Variants in ZSWIM3 observed in about 807,000 individuals in gnomAD.
ZSWIM3 encodes the protein zinc finger SWIM domain-containing protein 3.
ZSWIM3 carries 27 observed loss-of-function variants against 47.5 expected under a neutral mutation model. The ratio of observed to expected loss-of-function variants is 0.57; its 90% confidence interval spans 0.42 to 0.78. The LOEUF is 0.78. ZSWIM3 is among the 30% of genes least tolerant of loss of function. The probability of loss-of-function intolerance (pLI) is 0.00; values close to 1 mark genes in which losing one functional copy is unlikely to be tolerated. For missense variants in ZSWIM3, 689 were observed against 861.3 expected, an observed-to-expected ratio of 0.80 and a Z score of 2.50; for synonymous variants, 333 against 333.9, an observed-to-expected ratio of 1.00 and a Z score of 0.03.
chr20:45,869,497 C>T (rs1342202775), intron 1 of ZSWIM3, among the ~76,000 whole-genome samples: 1 of 150,894 alleles, frequency 6.6e-6, no homozygotes, highest in Admixed American at 6.6e-5. Context: ...CCAGACTGGG[C>T]AATAAGAGCA....
chr20:45,869,576 A>G (rs1310860510), intron 1 of ZSWIM3, among the ~76,000 whole-genome samples: 2 of 151,398 alleles, frequency 1.3e-5, no homozygotes, highest in African/African-American at 4.9e-5. Flanking sequence ...TTAGCTGAAA[A>G]CCCTGACTCA....
chr20:45,878,266 A>T lies in ZSWIM3; in HGVS notation c.1708A>T (p.Thr570Ser). Residue 570 changes from threonine (T) to serine (S), a missense_variant, in exon 2 of 2, where the codon ACC (threonine) becomes TCC (serine). Coordinates refer to ENST00000255152, the MANE Select transcript of ZSWIM3 (RefSeq NM_080752.4). Reference sequence around the variant, plus strand: ...CCGACACATTTTGGCTCTGCTGCACACCAGCCAGCAGCCGGTTGGTGAAGC... The same window carrying T: ...CCGACACATTTTGGCTCTGCTGCACTCCAGCCAGCAGCCGGTTGGTGAAGC... Reference protein sequence around the residue: ...PCRHILALLHTSQQPVGEAMV... With the variant: ...PCRHILALLHSSQQPVGEAMV... 6.2e-7 allele frequency: 1 copy of T among 1,614,156 alleles called. No individual in the cohort carries two copies. The highest frequency in any genetic ancestry group is 8.5e-7 in the Non-Finnish European group (1 of 1,180,026).
rs536649474 is a variant in ZSWIM3, at chr20:45,877,493, G to A, written c.935G>A (p.Arg312Gln). 35 of 1,614,046 alleles carry A rather than the reference G, an allele frequency of 2.2e-5. No individual in the cohort carries two copies. The highest frequency in any genetic ancestry group is 2.5e-5 in the Non-Finnish European group (30 of 1,180,016). ...RILLSIYHTT[R>Q]LLEKKLHRSS... ...CTCCTTTCCATCTACCACACAACCCGACTCTTGGAGAAGAAGTTGCATCGT... is the reference window on the plus strand; with the variant it reads ...CTCCTTTCCATCTACCACACAACCCAACTCTTGGAGAAGAAGTTGCATCGT... The change falls in exon 2 of 2, where the codon CGA becomes CAA. Residue 312 changes from arginine (R) to glutamine (Q), a missense_variant. Transcript: ENST00000255152.
At chr20:45,864,818 G>A (rs781197026) in intron 1 of ZSWIM3, among the ~76,000 whole-genome samples, 21 of 152,166 alleles carry the variant, frequency 1.4e-4, no homozygotes, top group Non-Finnish European at 4.4e-5. Context: ...CTGAGATCAC[G>A]CCACTGCACT....
intron 1 of ZSWIM3, among the ~76,000 whole-genome samples, chr20:45,859,804 A>C (rs1281867075): frequency 2.0e-5 from 3 of 148,562 alleles, no homozygotes; most frequent in African/African-American, 4.9e-5. Context: ...AAAAAAAAAA[A>C]AAAAAAAAAA....
At chr20:45,870,024 A>ACTG (rs1568747255) in intron 1 of ZSWIM3, among the ~76,000 whole-genome samples, 290 of 145,644 alleles carry the variant, frequency 2.0e-3, no homozygotes, top group African/African-American at 7.3e-3. Context: ...AGACTGGGCA[A>ACTG]CAGGGCAAAA....
intron 1 of ZSWIM3, among the ~76,000 whole-genome samples, chr20:45,858,255 A>C (rs1985595937): frequency 6.6e-6 from 1 of 152,216 alleles, no homozygotes; most frequent in South Asian, 2.1e-4. Flanking sequence ...AGCTGCAGCA[A>C]CCCAAATACA....
chr20:45,865,900 G>C (rs1985827880), intron 1 of ZSWIM3, among the ~76,000 whole-genome samples: 1 of 151,402 alleles, frequency 6.6e-6, no homozygotes, highest in South Asian at 2.1e-4. Flanking sequence ...GGGTGAGGCA[G>C]GAGAATTGCT....
intron 1 of ZSWIM3, among the ~76,000 whole-genome samples, chr20:45,862,288 C>G (rs991625271): frequency 6.6e-6 from 1 of 150,712 alleles, no homozygotes; most frequent in African/African-American, 2.4e-5. Context: ...GCTGAGATTA[C>G]AGGCACGCAC....
At position 45,878,753 on chromosome 20, in the gene ZSWIM3, C is replaced by G. The variant is rs1326799257; in HGVS notation, c.*104C>G. ...GGTTTAGCATTTTAGCCAATGTCTT[C>G]CTAGGTGGGGCTAGGAATATTGTTA... is the stretch of plus-strand genomic sequence containing the variant. On this transcript the variant is annotated 3_prime_UTR_variant, in exon 2 of 2. Coordinates refer to ENST00000255152, the MANE Select transcript of ZSWIM3 (RefSeq NM_080752.4). 3 of 1,405,520 alleles carry G rather than the reference C, an allele frequency of 2.1e-6. No individual in the cohort carries two copies. The Admixed American group carries it at 7.0e-5, about 33-fold the overall frequency. The allele number at this position is 1,405,520 out of a possible 1,614,324, so 87.1% of individuals were successfully genotyped here. A position where few individuals can be genotyped will look rare whatever the true frequency, so the allele number is the denominator to read the frequency against.
In ZSWIM3 at chr20:45,857,811, G is replaced by T. The variant is rs775364039; in HGVS notation, c.-15G>T. On this transcript the variant is annotated 5_prime_UTR_variant, in exon 1 of 2. Coordinates refer to ENST00000255152, the MANE Select transcript of ZSWIM3 (RefSeq NM_080752.4). Reference sequence around the variant, plus strand: ...GGGCTGGGACCAGCCCCTAGTGTGGGTTGTGGGGGCGGCCATGGAGCTGGG... The same window carrying T: ...GGGCTGGGACCAGCCCCTAGTGTGGTTTGTGGGGGCGGCCATGGAGCTGGG... The T allele has an allele frequency of 2.5e-6, 4 of 1,613,054 alleles. No homozygotes were observed. In the African/African-American group the frequency reaches 5.3e-5, roughly 22 times the overall value.
intron 1 of ZSWIM3, among the ~76,000 whole-genome samples, chr20:45,868,598 G>C (rs1198696799): frequency 1.3e-5 from 2 of 151,956 alleles, no homozygotes; most frequent in Non-Finnish European, 2.9e-5. Flanking sequence ...GGCCAGGCTG[G>C]TCTTGAACTC....
Position 45,857,708 on chromosome 20 carries a change from C to T in ZSWIM3, c.-118C>T. The T allele has an allele frequency of 2.3e-6, 3 of 1,304,958 alleles. No homozygotes were observed. Among genetic ancestry groups the T allele is most frequent in the Non-Finnish European group, 2.1e-6 (2 of 940,980 alleles). The allele number at this position is 1,304,958 out of a possible 1,614,324, so 80.8% of individuals were successfully genotyped here. A position where few individuals can be genotyped will look rare whatever the true frequency, so the allele number is the denominator to read the frequency against. On this transcript the variant is annotated 5_prime_UTR_variant, in exon 1 of 2. Coordinates refer to ENST00000255152, the MANE Select transcript of ZSWIM3 (RefSeq NM_080752.4). The stretch of plus-strand genomic sequence containing the variant: ...AATAGGCCACCCAGTTGGGGCGGAC[C>T]CTTAAGGCATTCTGGGCCCACGCCT...
In ZSWIM3 at chr20:45,877,457, C is replaced by T; in HGVS notation, c.899C>T (p.Ala300Val). 6.2e-7 allele frequency: 1 copy of T among 1,614,208 alleles called. No homozygotes were observed. Among genetic ancestry groups the T allele is most frequent in the Non-Finnish European group, 8.5e-7 (1 of 1,180,032 alleles). Reference protein sequence around the residue: ...YRAILQEIFPAARILLSIYHT... With the variant: ...YRAILQEIFPVARILLSIYHT... ...GCTATCCTGCAGGAGATCTTTCCTG[C>T]TGCCCGCATCCTCCTTTCCATCTAC... The change falls in exon 2 of 2, where the codon GCT becomes GTT. Residue 300 changes from alanine (A) to valine (V), a missense_variant. Physicochemically the swap from Ala to Val is moderately conservative, Grantham distance 64. Transcript: ENST00000255152.
chr20:45,861,441 A>C (rs1009024895), intron 1 of ZSWIM3, among the ~76,000 whole-genome samples: 5 of 151,422 alleles, frequency 3.3e-5, no homozygotes, highest in Admixed American at 1.3e-4. Flanking sequence ...AAAAAAAAAA[A>C]AGCAAGCAGT....
At position 45,857,751 on chromosome 20, in the gene ZSWIM3, G is replaced by A; in HGVS notation, c.-75G>A. On this transcript the variant is annotated 5_prime_UTR_variant, in exon 1 of 2. It adds an upstream start codon to the 5' untranslated region. Coordinates refer to ENST00000255152, the MANE Select transcript of ZSWIM3 (RefSeq NM_080752.4). ...CCACGCCTGCCTATAAACCCTCATAGTGTGACCTTTGACCCCTGGTGTGAT... is the reference window on the plus strand; with the variant it reads ...CCACGCCTGCCTATAAACCCTCATAATGTGACCTTTGACCCCTGGTGTGAT... 6.4e-7 allele frequency: 1 copy of A among 1,555,822 alleles called. No individual in the cohort carries two copies. The highest frequency in any genetic ancestry group is 8.7e-7 in the Non-Finnish European group (1 of 1,144,160).
intron 1 of ZSWIM3, among the ~76,000 whole-genome samples, chr20:45,859,792 C>CAAAAA (rs765560893): frequency 1.7e-4 from 9 of 52,072 alleles, no homozygotes; most frequent in South Asian, 1.4e-3. Context: ...GAGAGGAATA[C>CAAAAA]AAAAAAAAAA....
chr20:45,872,854 C>T (rs1439987951), intron 1 of ZSWIM3: 3 of 1,256,944 alleles, frequency 2.4e-6, no homozygotes, highest in Admixed American at 2.7e-5. Context: ...CCAAACCCCT[C>T]CAGCCTGTTA....
intron 1 of ZSWIM3, among the ~76,000 whole-genome samples, chr20:45,871,297 C>T (rs1234950436): frequency 3.3e-5 from 5 of 152,286 alleles, no homozygotes; most frequent in African/African-American, 1.2e-4. Context: ...GTCAACCAGT[C>T]TTGCTTCCTT....
Sources: gnomAD v4.1 joint callset for allele counts (sites outside exome capture counted in the v4.1 genomes callset) on GRCh38, gnomAD v4.1.1 for gene constraint, MANE v1.5 for transcripts, NCBI Gene and HGNC (gene_info 2026-07-23, HGNC 2026-07-21) for gene names.